Variants in GPC5 observed in about 807,000 individuals in gnomAD.
GPC5 encodes the protein glypican-5.
GPC5 carries 47 observed loss-of-function variants against 53.9 expected under a neutral mutation model. The observed-to-expected ratio is 0.87, with a 90% CI of 0.69 to 1.11. GPC5 has a LOEUF of 1.11. GPC5 is among the 50% of genes most tolerant of loss of function. The probability of loss-of-function intolerance (pLI) is 0.00; values close to 1 mark genes in which losing one functional copy is unlikely to be tolerated. For missense variants in GPC5, 748 were observed against 713.1 expected, an observed-to-expected ratio of 1.05 and a Z score of -0.56; for synonymous variants, 286 against 263.3, an observed-to-expected ratio of 1.09 and a Z score of -0.84.
At position 92,403,710 on chromosome 13, in the gene GPC5, T is replaced by A. The variant is rs117895484; in HGVS notation, c.1561+258721T>A. ...CATTGTTATATGGTTACACGATAAT[T>A]ATTCATTTCTTCTTAGTGAGTAGAC... On this transcript the variant is annotated intron_variant, in intron 7 of 7. Transcript: ENST00000377067. Among the ~76,000 whole-genome samples, 1,340 of 152,324 alleles carry A rather than the reference T, an allele frequency of 8.8e-3. 9 individuals carry two copies. Among genetic ancestry groups the A allele is most frequent in the Non-Finnish European group, 0.015 (1,001 of 68,024 alleles).
intron 1 of GPC5, among the ~76,000 whole-genome samples, chr13:91,425,298 T>G (rs1878961778): frequency 6.6e-6 from 1 of 152,202 alleles, no homozygotes; most frequent in South Asian, 2.1e-4. Context: ...TGGTCTCCTA[T>G]TTCATAATTT....
At chr13:92,840,838 C>T (rs1878408524) in intron 7 of GPC5, among the ~76,000 whole-genome samples, 1 of 151,788 alleles carries the variant, frequency 6.6e-6, no homozygotes, top group Admixed American at 6.6e-5. Context: ...AGGTTTATTC[C>T]TAAGTATTTT....
At chr13:92,634,892 A>C (rs182979248) in intron 7 of GPC5, among the ~76,000 whole-genome samples, 18 of 151,990 alleles carry the variant, frequency 1.2e-4, no homozygotes, top group Non-Finnish European at 1.5e-5. Context: ...ATGCTTTCTT[A>C]ATTCAGCTCT....
intron 6 of GPC5, among the ~76,000 whole-genome samples, chr13:91,983,117 G>A (rs1050599457): frequency 2.0e-5 from 3 of 152,058 alleles, no homozygotes; most frequent in East Asian, 1.9e-4. Flanking sequence ...ATGCCGAGAC[G>A]GGCGGATCAC....
At chr13:92,357,564 C>G (rs183878332) in intron 7 of GPC5, among the ~76,000 whole-genome samples, 13 of 151,702 alleles carry the variant, frequency 8.6e-5, no homozygotes, top group Admixed American at 8.5e-4. Context: ...TCCATTCTCT[C>G]ATTGCTATAA....
intron 2 of GPC5, among the ~76,000 whole-genome samples, chr13:91,649,788 A>G (rs1408403811): frequency 1.3e-5 from 2 of 152,146 alleles, no homozygotes; most frequent in Non-Finnish European, 2.9e-5. Context: ...GCATTTTAGT[A>G]TACTCCACAT....
At chr13:91,712,723 G>A (rs890544085) in intron 3 of GPC5, among the ~76,000 whole-genome samples, 3 of 152,000 alleles carry the variant, frequency 2.0e-5, no homozygotes, top group African/African-American at 7.3e-5. Context: ...CAGCTGAGTA[G>A]CCTTAGAACA....
rs576189880 is a variant in GPC5, at chr13:92,525,913, C to T, written c.1562-340369C>T. On this transcript the variant is annotated intron_variant, in intron 7 of 7. Transcript: ENST00000377067. ...GCACAATGTTTACTGTTCTTTCCAA[C>T]GTTAAGCATTGAATGTCTCTTTACT... Among the ~76,000 whole-genome samples, 19 of 152,224 alleles carry T rather than the reference C, an allele frequency of 1.2e-4. 1 individual carries two copies. The highest frequency in any genetic ancestry group is 1.9e-4 in the Non-Finnish European group (13 of 67,976).
intron 5 of GPC5, among the ~76,000 whole-genome samples, chr13:91,864,122 G>T (rs1196126763): frequency 6.6e-6 from 1 of 152,164 alleles, no homozygotes; most frequent in Non-Finnish European, 1.5e-5. Flanking sequence ...ATGATAAAAG[G>T]AGATTCTGTC....
At chr13:92,073,466 G>A (rs1458335565) in intron 6 of GPC5, among the ~76,000 whole-genome samples, 1 of 152,164 alleles carries the variant, frequency 6.6e-6, no homozygotes, top group African/African-American at 2.4e-5. Flanking sequence ...GACAAATGTA[G>A]GGCCTTCTGT....
chr13:91,664,746 T>C (rs1290886893), intron 2 of GPC5, among the ~76,000 whole-genome samples: 1 of 152,242 alleles, frequency 6.6e-6, no homozygotes, highest in Non-Finnish European at 1.5e-5. Context: ...CACTATTTAG[T>C]ACTTTTCATT....
chr13:92,658,686 T>A (rs1393699984), intron 7 of GPC5, among the ~76,000 whole-genome samples: 1 of 151,566 alleles, frequency 6.6e-6, no homozygotes, highest in South Asian at 2.1e-4. Flanking sequence ...AAGGAAGAGA[T>A]AGGCATTTCA....
chr13:91,966,622 A>G (rs769637695), intron 6 of GPC5, among the ~76,000 whole-genome samples: 17 of 152,202 alleles, frequency 1.1e-4, no homozygotes, highest in Non-Finnish European at 2.1e-4. Context: ...TACTGCATCA[A>G]TCAAAACTTA....
intron 7 of GPC5, among the ~76,000 whole-genome samples, chr13:92,835,901 A>G (rs956466672): frequency 6.6e-6 from 1 of 151,960 alleles, no homozygotes; most frequent in Admixed American, 6.6e-5. Context: ...ATGAAATGCT[A>G]TGGTAACTAA....
In GPC5 at chr13:91,812,156, A is replaced by G. The variant is rs373675494; in HGVS notation, c.1280+55736A>G. Among the ~76,000 whole-genome samples the G allele has an allele frequency of 4.0e-4, 61 of 152,332 alleles. 1 individual carries two copies. In the East Asian group the frequency reaches 0.011, roughly 27 times the overall value. On this transcript the variant is annotated intron_variant, in intron 5 of 7. Coordinates refer to ENST00000377067, the MANE Select transcript of GPC5 (RefSeq NM_004466.6). Reference sequence around the variant, plus strand: ...CATTGAAGAAAATATTTATGAATGCATTAACTAAGATGAAATTAGCAGATT... The same window carrying G: ...CATTGAAGAAAATATTTATGAATGCGTTAACTAAGATGAAATTAGCAGATT...
chr13:92,262,392 A>G (rs1362658768), intron 7 of GPC5, among the ~76,000 whole-genome samples: 2 of 152,166 alleles, frequency 1.3e-5, no homozygotes, highest in Non-Finnish European at 2.9e-5. Flanking sequence ...GAAGTTTTAA[A>G]ATTGATTTTA....
chr13:92,425,102 C>T (rs1566584894), intron 7 of GPC5, among the ~76,000 whole-genome samples: 1 of 151,968 alleles, frequency 6.6e-6, no homozygotes, highest in Admixed American at 6.6e-5. Context: ...AATTTACTGA[C>T]TCTGCCCTTC....
At chr13:92,608,020 T>G (rs1884311314) in intron 7 of GPC5, among the ~76,000 whole-genome samples, 1 of 152,220 alleles carries the variant, frequency 6.6e-6, no homozygotes, top group African/African-American at 2.4e-5. Flanking sequence ...TATGATTTTC[T>G]TAATAACATT....
rs544492214 is a variant in GPC5, at chr13:92,753,922, G to A, written c.1562-112360G>A. Among the ~76,000 whole-genome samples, 187 of 152,278 alleles carry A rather than the reference G, an allele frequency of 1.2e-3. 4 individuals are homozygous for A. In the South Asian group the frequency reaches 0.037, roughly 30 times the overall value. On this transcript the variant is annotated intron_variant, in intron 7 of 7. Coordinates refer to ENST00000377067, the MANE Select transcript of GPC5 (RefSeq NM_004466.6). ...AAACACTCTGCAGGATATTATCCAG[G>A]AGAACTTCCCCAATCTAGCAAGCAG... is the stretch of plus-strand genomic sequence containing the variant.
Sources: allele counts gnomAD v4.1 joint callset (sites outside exome capture counted in the v4.1 genomes callset), GRCh38; gene constraint gnomAD v4.1.1; transcripts MANE v1.5; gene names NCBI Gene and HGNC (gene_info 2026-07-23, HGNC 2026-07-21).